Variants in ANKRD55 observed in about 807,000 individuals in gnomAD.
ANKRD55 encodes the protein ankyrin repeat domain-containing protein 55.
A neutral mutation model predicts 60.6 loss-of-function variants in ANKRD55; 41 were observed. The observed-to-expected ratio is 0.68, with a 90% CI of 0.53 to 0.88. ANKRD55 has a LOEUF of 0.88. Among genes scored for constraint, ANKRD55 ranks in the 40% least tolerant of loss-of-function variants. The pLI is 0.00. For missense variants in ANKRD55, 732 were observed against 767.6 expected, an observed-to-expected ratio of 0.95 and a Z score of 0.55; for synonymous variants, 264 against 290.3, an observed-to-expected ratio of 0.91 and a Z score of 0.92.
chr5:56,207,528 A>T (rs1008110649), intron 2 of ANKRD55, among the ~76,000 whole-genome samples: 5 of 152,354 alleles, frequency 3.3e-5, no homozygotes, highest in Admixed American at 3.3e-4. Context: ...CCTAGATGGT[A>T]TAGCCCACTA....
intron 9 of ANKRD55, 95 bp downstream of exon 9, chr5:56,116,520 A>C: frequency 2.0e-6 from 2 of 999,850 alleles, no homozygotes; most frequent in Non-Finnish European, 2.7e-6. Context: ...TAATAATATT[A>C]TTATTGGTTT....
Position 56,154,969 on chromosome 5 carries a change from C to T in ANKRD55, c.483+4864G>A, listed in dbSNP as rs935407663. 5.3e-5 allele frequency among the ~76,000 whole-genome samples: 8 copies of T among 152,104 alleles called. No individual in the cohort carries two copies. In the South Asian group the frequency reaches 6.2e-4, roughly 12 times the overall value. On this transcript the variant is annotated intron_variant, in intron 6 of 11. Transcript: ENST00000341048. ...TGTTCTGGCCAGGCATGGTGGTGCA[C>T]GCCTATAATCCCAGCACTTTGGGAG...
intron 2 of ANKRD55, among the ~76,000 whole-genome samples, chr5:56,223,891 G>T (rs1258207946): frequency 2.0e-5 from 3 of 152,184 alleles, no homozygotes; most frequent in African/African-American, 7.2e-5. Flanking sequence ...AATAATGGGA[G>T]ACTTTAACAC....
chr5:56,193,162 C>T (rs1293072595), intron 2 of ANKRD55: 7 of 679,290 alleles, frequency 1.0e-5, no homozygotes, highest in Admixed American at 9.7e-5. Context: ...TAAAACAGGG[C>T]TGTATGAGTG....
rs2111741776 is a variant in ANKRD55, at chr5:56,135,350, TCTTTCTTTCTTTCTTTC to T, written c.613-8261_613-8245del. On this transcript the variant is annotated intron_variant, in intron 7 of 11. Transcript: ENST00000341048. The stretch of plus-strand genomic sequence containing the variant: ...TTCTTTCTTTCTTTCTTTCTTTCTT[TCTTTCTTTCTTTCTTTC>T]CTTCTTTCTTTCTTTCTTTCTTGAC... Among the ~76,000 whole-genome samples the T allele has an allele frequency of 1.4e-4, 3 of 21,160 alleles. No individual in the cohort carries two copies. In the Middle Eastern group the frequency reaches 0.094, roughly 661 times the overall value. The allele number at this position is 21,160 out of a possible 152,430, so 13.9% of individuals were successfully genotyped here.
chr5:56,198,474 G>A (rs1458351692), intron 2 of ANKRD55, among the ~76,000 whole-genome samples: 1 of 151,662 alleles, frequency 6.6e-6, no homozygotes, highest in African/African-American at 2.4e-5. Flanking sequence ...TAGTAGAGAC[G>A]GGGTTTCACC....
chr5:56,110,946 A>C, intron 10 of ANKRD55, 172 bp downstream of exon 10: 1 of 707,372 alleles, frequency 1.4e-6, no homozygotes, highest in South Asian at 1.9e-5. Flanking sequence ...ATGTTTTCAC[A>C]GCTCAGAAAT....
chr5:56,159,967 A>T (rs1326655080), intron 5 of ANKRD55, 74 bp from the exon 6 acceptor site: 1 of 1,342,368 alleles, frequency 7.4e-7, no homozygotes, highest in African/African-American at 1.4e-5. Context: ...GTATAAAAAC[A>T]TGACCTTAGA....
intron 5 of ANKRD55, among the ~76,000 whole-genome samples, chr5:56,166,155 T>TC (rs1758467905): frequency 2.0e-5 from 1 of 50,472 alleles, no homozygotes. Flanking sequence ...TCTTTCTTTC[T>TC]TCTTTCCTTC....
intron 10 of ANKRD55, among the ~76,000 whole-genome samples, chr5:56,105,121 C>T (rs1756417006): frequency 1.4e-5 from 2 of 147,132 alleles, no homozygotes; most frequent in Admixed American, 1.4e-4. Flanking sequence ...GTGTCTCACT[C>T]TGTTTCTCAG....
intron 2 of ANKRD55, among the ~76,000 whole-genome samples, chr5:56,220,743 G>A (rs1486603172): frequency 6.6e-6 from 1 of 152,134 alleles, no homozygotes; most frequent in Non-Finnish European, 1.5e-5. Context: ...AACCCAGGAG[G>A]CAGAGGTTGC....
chr5:56,208,037 T>C (rs926428791), intron 2 of ANKRD55, among the ~76,000 whole-genome samples: 2 of 152,230 alleles, frequency 1.3e-5, no homozygotes, highest in African/African-American at 4.8e-5. Flanking sequence ...AGTTTTTTTC[T>C]ATTTTTAAAA....
chr5:56,132,035 A>G (rs554204920), intron 7 of ANKRD55, among the ~76,000 whole-genome samples: 1 of 151,862 alleles, frequency 6.6e-6, no homozygotes, highest in South Asian at 2.1e-4. Context: ...ACATATATAT[A>G]AGCTTATGTA....
Position 56,116,830 on chromosome 5 carries a change from G to A in ANKRD55, c.798-48C>T. 3.4e-6 allele frequency: 5 copies of A among 1,479,314 alleles called. No homozygotes were observed. In the South Asian group the frequency reaches 6.8e-5, roughly 20 times the overall value. The allele number at this position is 1,479,314 out of a possible 1,614,324, so 91.6% of individuals were successfully genotyped here. ...GCACAAGCGTCTGAGCATGTGAATT[G>A]TTCAGGCTGCTTAGCCAGCAACAGC... On this transcript the variant is annotated intron_variant, in intron 8 of 11. Coordinates refer to ENST00000341048, the MANE Select transcript of ANKRD55 (RefSeq NM_024669.3).
intron 2 of ANKRD55, among the ~76,000 whole-genome samples, chr5:56,206,655 C>T (rs533403439): frequency 6.6e-6 from 1 of 152,228 alleles, no homozygotes; most frequent in South Asian, 2.1e-4. Flanking sequence ...CCTCCCACAA[C>T]CCCCACCAGC....
At chr5:56,112,511 A>AAAAAAAAAAAAAACAAAAAAAAAAAC in intron 9 of ANKRD55, among the ~76,000 whole-genome samples, 1 of 81,528 alleles carries the variant, frequency 1.2e-5, no homozygotes, top group Non-Finnish European at 2.4e-5. Flanking sequence ...TAGCAAAAAA[A>AAAAAAAAAAAAAACAAAAAAAAAAAC]AAAAAAAAAA....
chr5:56,180,759 G>A (rs1439419014), intron 3 of ANKRD55, among the ~76,000 whole-genome samples: 4 of 152,162 alleles, frequency 2.6e-5, no homozygotes, highest in Admixed American at 2.6e-4. Context: ...TTCATTGTTT[G>A]TATACAAAAA....
chr5:56,202,443 T>G (rs1272685637), intron 2 of ANKRD55, among the ~76,000 whole-genome samples: 1 of 152,236 alleles, frequency 6.6e-6, no homozygotes, highest in Non-Finnish European at 1.5e-5. Context: ...TGTAGTAATT[T>G]TGTGAGCAGA....
At position 56,127,007 on chromosome 5, in the gene ANKRD55, C is replaced by T. The variant is rs1206760744; in HGVS notation, c.712G>A (p.Ala238Thr). ...ATATCGCTGAAGCCCGCTGCCGCTG[C>T]GATATGTACACATGTCTTCCCACTC... ...DESGKTCVHI[A>T]AAAGFSDIIH... The change falls in exon 8 of 12, where the codon GCA (alanine) becomes ACA (threonine). Residue 238 changes from alanine (A) to threonine (T), a missense_variant. Ala to Thr is a moderately conservative substitution (Grantham distance 58, BLOSUM62 0). This residue lies in a region of ANKRD55 where 597 missense variants were observed against 607.5 expected (regional missense o/e 0.98). Coordinates refer to ENST00000341048, the MANE Select transcript of ANKRD55 (RefSeq NM_024669.3). The T allele has an allele frequency of 6.2e-6, 10 of 1,613,676 alleles. No homozygotes were observed. Among genetic ancestry groups the T allele is most frequent in the East Asian group, 2.2e-5 (1 of 44,874 alleles).
Sources: gnomAD v4.1 joint callset for allele counts (sites outside exome capture counted in the v4.1 genomes callset) on GRCh38, gnomAD v4.1.1 for gene constraint, gnomAD v4.1.1 regional missense constraint, MANE v1.5 for transcripts, NCBI Gene and HGNC (gene_info 2026-07-23, HGNC 2026-07-21) for gene names.